The following VPS53 variants were observed in gnomAD, a reference collection of about 807,000 sequenced individuals.
VPS53 encodes VPS53 subunit of GARP complex.
In VPS53, 70 loss-of-function variants were observed where a neutral mutation model predicts 107.0. The ratio of observed to expected loss-of-function variants is 0.65; its 90% CI spans 0.54 to 0.80. The LOEUF is 0.80. Ranked by LOEUF, VPS53 falls within the 30% of genes least tolerant of loss-of-function variation. The pLI, the probability that VPS53 is intolerant of heterozygous loss-of-function variation, is 0.00. For missense variants in VPS53, 917 were observed against 1,049.4 expected (o/e 0.87, Z 1.74); for synonymous variants, 409 against 393.3 (o/e 1.04, Z -0.47).
At chr17:559,384 T>C (rs1912735975) in intron 15 of VPS53, among the ~76,000 whole-genome samples, 1 of 152,226 alleles carries the variant, frequency 6.6e-6, no homozygotes, top group South Asian at 2.1e-4. Flanking sequence ...TGTTTCTTCA[T>C]GAAAGAACTC....
intron 17 of VPS53, among the ~76,000 whole-genome samples, chr17:545,641 C>G (rs1911121224): frequency 6.6e-6 from 1 of 152,206 alleles, no homozygotes; most frequent in Admixed American, 6.5e-5. Context: ...CTCTCCCACT[C>G]CCTGGCTCCC....
chr17:706,276 C>T (rs532393570), intron 2 of VPS53, among the ~76,000 whole-genome samples: 4 of 152,116 alleles, frequency 2.6e-5, no homozygotes, highest in East Asian at 1.9e-4. Context: ...TGGTGGCTCA[C>T]GCCTGTAATC....
At position 652,914 on chromosome 17, in the gene VPS53, C is replaced by G. The variant is rs143296937; in HGVS notation, c.608+377G>C. Among the ~76,000 whole-genome samples the G allele has an allele frequency of 8.5e-5, 13 of 152,348 alleles. No homozygotes were observed. The East Asian group carries it at 2.5e-3, about 29-fold the overall frequency. On this transcript the variant is annotated intron_variant, in intron 7 of 21. Transcript: ENST00000437048. ...GAACGTCTGCACCAGACAGTTAGAT[C>G]AGGTAGCATCTGATATTCCTTCACA...
At chr17:568,727 G>A (rs576518499) in intron 13 of VPS53, among the ~76,000 whole-genome samples, 2 of 152,318 alleles carry the variant, frequency 1.3e-5, no homozygotes, top group Admixed American at 1.3e-4. Context: ...AATATACTGA[G>A]CATGCTAGGA....
intron 13 of VPS53, among the ~76,000 whole-genome samples, chr17:578,447 C>T (rs1914841255): frequency 6.6e-6 from 1 of 151,250 alleles, no homozygotes; most frequent in Non-Finnish European, 1.5e-5. Flanking sequence ...GACAACTTCC[C>T]TCAGAACCTA....
At chr17:653,755 C>T (rs897626335) in intron 6 of VPS53, among the ~76,000 whole-genome samples, 6 of 152,160 alleles carry the variant, frequency 3.9e-5, no homozygotes, top group Admixed American at 6.5e-5. Context: ...TCTGGGAAGA[C>T]GATGAATTTA....
In VPS53 at chr17:552,933, C is replaced by T. The variant is rs113503309; in HGVS notation, c.1787+447G>A. The T allele has an allele frequency of 8.9e-4, 301 of 339,488 alleles. 1 individual carries two copies. Among genetic ancestry groups the T allele is most frequent in the African/African-American group, 1.5e-3 (64 of 41,964 alleles). The allele number at this position is 339,488 out of a possible 1,614,324, so 21.0% of individuals were successfully genotyped here. ...GTGTACAAGGTATATACGTGCCGCA[C>T]GCTGCTGTGTAGTGGAGAAAGGGCA... On this transcript the variant is annotated intron_variant, in intron 16 of 21. Transcript: ENST00000437048.
chr17:657,316 T>C lies in VPS53; in HGVS notation c.373-1363A>G, dbSNP rs1289668992. ...GTCTTGTCAATGCTGATGACATCCA[T>C]GAACCCAGCAGGGTATGTTATATCA... is the stretch of plus-strand genomic sequence containing the variant. On this transcript the variant is annotated intron_variant, in intron 5 of 21. Transcript: ENST00000437048. 5 of 766,330 alleles carry C rather than the reference T, an allele frequency of 6.5e-6. No homozygotes were observed. The East Asian group carries it at 7.3e-5, about 11-fold the overall frequency. 47.5% of individuals were successfully genotyped at this position (766,330 alleles called of 1,614,324 possible).
At chr17:636,479 A>G (rs557691526) in intron 7 of VPS53, among the ~76,000 whole-genome samples, 136 of 152,350 alleles carry the variant, frequency 8.9e-4, no homozygotes, top group South Asian at 3.9e-3. Context: ...GAAAGAGGGC[A>G]TCCCTGTCTT....
chr17:561,348 T>C (rs1912954573), intron 14 of VPS53, among the ~76,000 whole-genome samples: 1 of 152,204 alleles, frequency 6.6e-6, no homozygotes, highest in Non-Finnish European at 1.5e-5. Flanking sequence ...TCCTTTCACC[T>C]TGCCCCCACT....
chr17:626,422 C>G lies in VPS53; in HGVS notation c.974+752G>C, dbSNP rs111446518. On this transcript the variant is annotated intron_variant, in intron 10 of 21. Transcript: ENST00000437048. ...CAGTGGCTCATGCCTGTAATCCCGG[C>G]ACTTCGGGAGGCTAAAATGGGCGGG... 7.2e-3 allele frequency among the ~76,000 whole-genome samples: 1,101 copies of G among 152,278 alleles called. 13 individuals are homozygous for G. Among genetic ancestry groups the G allele is most frequent in the African/African-American group, 0.025 (1,051 of 41,560 alleles).
chr17:627,781 C>A (rs1446459756), intron 9 of VPS53, among the ~76,000 whole-genome samples: 1 of 152,004 alleles, frequency 6.6e-6, no homozygotes, highest in Non-Finnish European at 1.5e-5. Context: ...GTCTCACACA[C>A]ACACACACAC....
At chr17:608,523 C>T (rs1376010879) in intron 11 of VPS53, among the ~76,000 whole-genome samples, 1 of 151,804 alleles carries the variant, frequency 6.6e-6, no homozygotes, top group Admixed American at 6.6e-5. Context: ...GAGGGATATA[C>T]AGTAGTTAAG....
chr17:664,550 C>T (rs1456657426), intron 4 of VPS53, among the ~76,000 whole-genome samples: 1 of 152,086 alleles, frequency 6.6e-6, no homozygotes, highest in Non-Finnish European at 1.5e-5. Context: ...AGCACGGAGG[C>T]CTCAAAGCAT....
At chr17:702,559 G>C (rs1278718948) in intron 2 of VPS53, among the ~76,000 whole-genome samples, 1 of 151,972 alleles carries the variant, frequency 6.6e-6, no homozygotes, top group Admixed American at 6.6e-5. Context: ...CCAGCTACTC[G>C]GGAGGCTGAG....
chr17:606,803 T>C (rs1037842416), intron 11 of VPS53, among the ~76,000 whole-genome samples: 9 of 152,144 alleles, frequency 5.9e-5, no homozygotes, highest in Admixed American at 5.9e-4. Flanking sequence ...GAGAATCCAA[T>C]GCCTGATGAT....
intron 13 of VPS53, among the ~76,000 whole-genome samples, chr17:564,325 G>A (rs904424905): frequency 3.6e-5 from 5 of 137,672 alleles, no homozygotes; most frequent in African/African-American, 1.5e-4. Flanking sequence ...CGGATCACAA[G>A]GTCAGGAGAT....
Position 588,416 on chromosome 17 carries a change from T to G in VPS53, c.1219-2052A>C, listed in dbSNP as rs140797291. Reference sequence around the variant, plus strand: ...AATAAATACTGGAAGAGATAAGCCCTAATGACAGAAATGATAACTACCTAT... The same window carrying G: ...AATAAATACTGGAAGAGATAAGCCCGAATGACAGAAATGATAACTACCTAT... On this transcript the variant is annotated intron_variant, in intron 12 of 21. Transcript: ENST00000437048. 4.3e-4 allele frequency among the ~76,000 whole-genome samples: 66 copies of G among 152,342 alleles called. No homozygotes were observed. The East Asian group carries it at 0.011, about 26-fold the overall frequency.
intron 7 of VPS53, among the ~76,000 whole-genome samples, chr17:650,029 G>C (rs1255447752): frequency 6.6e-6 from 1 of 152,188 alleles, no homozygotes; most frequent in African/African-American, 2.4e-5. Context: ...GAGACAGAAA[G>C]CATGAAAGGA....
Sources: allele counts gnomAD v4.1 joint callset (sites outside exome capture counted in the v4.1 genomes callset), GRCh38; gene constraint gnomAD v4.1.1; transcripts MANE v1.5; gene names NCBI Gene and HGNC (gene_info 2026-07-23, HGNC 2026-07-21).